The following AK8 variants were observed in gnomAD, a reference collection of about 807,000 sequenced individuals.
AK8 encodes adenylate kinase 8, also known as ATP-AMP transphosphorylase 8.
AK8 carries 44 observed loss-of-function variants against 54.6 expected under a neutral mutation model. The observed-to-expected ratio is 0.81, with a 90% CI of 0.63 to 1.04. The LOEUF is 1.04. AK8 is among the 50% of genes least tolerant of loss of function. AK8 has a pLI of 0.00. For synonymous variants in AK8, 239 were observed against 245.6 expected, an observed-to-expected ratio of 0.97 and a Z score of 0.25; for missense variants, 555 against 613.6, an observed-to-expected ratio of 0.90 and a Z score of 1.01.
chr9:132,726,011 T>C (rs1343382102), intron 12 of AK8, 86 bp from the exon 13 acceptor site: 1 of 1,242,886 alleles, frequency 8.0e-7, no homozygotes, highest in Non-Finnish European at 1.1e-6. Context: ...TGTGGACCAA[T>C]TTGGGGTGTC....
intron 9 of AK8, among the ~76,000 whole-genome samples, chr9:132,816,625 C>T (rs1841340419): frequency 6.6e-6 from 1 of 152,150 alleles, no homozygotes; most frequent in South Asian, 2.1e-4. Flanking sequence ...GAAGGAGTAA[C>T]AGGTATCATA....
intron 5 of AK8, among the ~76,000 whole-genome samples, chr9:132,839,396 C>T (rs1278000341): frequency 2.0e-5 from 3 of 152,240 alleles, no homozygotes; most frequent in East Asian, 3.8e-4. Context: ...TTTTAACACA[C>T]TGAAGCAGAG....
intron 10 of AK8, among the ~76,000 whole-genome samples, chr9:132,804,568 G>T (rs956626121): frequency 2.1e-4 from 32 of 151,998 alleles, no homozygotes; most frequent in Non-Finnish European, 1.5e-5. Context: ...CCCAGGGAGG[G>T]GGGTGGGAGC....
intron 11 of AK8, among the ~76,000 whole-genome samples, chr9:132,728,866 C>G (rs546592877): frequency 2.6e-5 from 4 of 152,038 alleles, no homozygotes; most frequent in Admixed American, 2.0e-4. Flanking sequence ...TCCCCACCCC[C>G]CTTTTTAGGG....
At chr9:132,740,377 A>G (rs889906845) in intron 11 of AK8, among the ~76,000 whole-genome samples, 11 of 152,206 alleles carry the variant, frequency 7.2e-5, no homozygotes, top group Admixed American at 6.5e-4. Context: ...ATTTGGCTAA[A>G]AAGAGGCAGA....
At chr9:132,741,479 A>G (rs1015862147) in intron 11 of AK8, among the ~76,000 whole-genome samples, 1 of 152,034 alleles carries the variant, frequency 6.6e-6, no homozygotes, top group Non-Finnish European at 1.5e-5. Context: ...ACAGCCCCCC[A>G]AAAACAGCTG....
intron 11 of AK8, among the ~76,000 whole-genome samples, chr9:132,764,986 C>A (rs921240650): frequency 6.6e-6 from 1 of 152,128 alleles, no homozygotes; most frequent in African/African-American, 2.4e-5. Flanking sequence ...CTGAATCCAG[C>A]AGCACATTAA....
intron 5 of AK8, among the ~76,000 whole-genome samples, chr9:132,853,810 T>TAAAAAAAAAAAAAAAAAAAAAA (rs1843065733): frequency 1.1e-5 from 1 of 94,132 alleles, no homozygotes; most frequent in Non-Finnish European, 2.3e-5. Context: ...AAAAAAAAAG[T>TAAAAAAAAAAAAAAAAAAAAAA]AAACAGAGTG....
chr9:132,729,841 C>T (rs1265420779), intron 11 of AK8, among the ~76,000 whole-genome samples: 1 of 152,240 alleles, frequency 6.6e-6, no homozygotes, highest in Non-Finnish European at 1.5e-5. Context: ...ATTCATTTCA[C>T]TTTCAAGAAA....
chr9:132,823,088 A>G, intron 9 of AK8, 117 bp downstream of exon 9: 5 of 1,364,548 alleles, frequency 3.7e-6, no homozygotes, highest in Non-Finnish European at 4.8e-6. Context: ...CAGAAAGAGA[A>G]GTGATACTGA....
rs1840345678 is a variant in AK8 at position 132,799,590 on chromosome 9, G to A, written c.980-6815C>T. ...ACACAGACATGTGCTCATGCACTCA[G>A]CTACAAACACACACACACACACACC... On this transcript the variant is annotated intron_variant, in intron 10 of 12. Transcript: ENST00000298545. The surrounding 1 kb of genome is among the most constrained non-coding windows in gnomAD (Gnocchi z 5.0). 6.6e-6 allele frequency among the ~76,000 whole-genome samples: 1 copy of A among 150,768 alleles called. No individual in the cohort carries two copies. The highest frequency in any genetic ancestry group is 2.5e-5 in the African/African-American group (1 of 40,790).
intron 10 of AK8, among the ~76,000 whole-genome samples, chr9:132,801,530 A>G (rs770729130): frequency 2.1e-4 from 32 of 152,334 alleles, no homozygotes; most frequent in Middle Eastern, 3.4e-3. Context: ...AAAGCATTTA[A>G]GGAACACGAT....
chr9:132,730,592 C>T (rs891519407), intron 11 of AK8, among the ~76,000 whole-genome samples: 4 of 152,084 alleles, frequency 2.6e-5, no homozygotes, highest in African/African-American at 9.7e-5. Flanking sequence ...TGGTGGATGC[C>T]TATGCCCCTT....
rs978839574 is a variant in AK8 at position 132,837,808 on chromosome 9, G to A, written c.403-9082C>T. 7.9e-5 allele frequency among the ~76,000 whole-genome samples: 12 copies of A among 152,146 alleles called. No individual in the cohort carries two copies. The highest frequency in any genetic ancestry group is 2.9e-4 in the African/African-American group (12 of 41,406). On this transcript the variant is annotated intron_variant, in intron 5 of 12. Transcript: ENST00000298545. This position sits in a 1 kb window ranked among gnomAD's most constrained non-coding sequence, Gnocchi z 4.3. The stretch of plus-strand genomic sequence containing the variant: ...CCACAAATAAGGGGGCACAGGAGGT[G>A]TGCTCACTGTGCTGTGCCCGGCACC...
intron 1 of AK8, 183 bp from the exon 2 acceptor site, chr9:132,875,382 C>T (rs566082061): frequency 0.042 from 39,353 of 929,884 alleles, 930 homozygotes; most frequent in Middle Eastern, 0.052. Flanking sequence ...ATGAGGGGGG[C>T]CACGTGGTGC....
chr9:132,769,352 T>G (rs559150553), intron 11 of AK8: 2 of 152,296 alleles, frequency 1.3e-5, no homozygotes, highest in South Asian at 4.1e-4. Flanking sequence ...CTGCTGACAT[T>G]TGCCAGCAGC....
chr9:132,876,884 C>A (rs374481000), intron 1 of AK8, among the ~76,000 whole-genome samples: 1 of 151,876 alleles, frequency 6.6e-6, no homozygotes, highest in South Asian at 2.1e-4. Flanking sequence ...CATAGCAAGA[C>A]CTCGTCTGTA....
rs142682895 is a variant in AK8, at chr9:132,849,858, G to A, written c.402+4999C>T. The stretch of plus-strand genomic sequence containing the variant: ...TCCTCCAGGTTCAAGCGATTCTCCT[G>A]CCTCAGCCTCCCGAGTAGCTGCGAT... On this transcript the variant is annotated intron_variant, in intron 5 of 12. Transcript: ENST00000298545. 9.0e-3 allele frequency among the ~76,000 whole-genome samples: 1,359 copies of A among 151,768 alleles called. 18 individuals carry two copies. The highest frequency in any genetic ancestry group is 0.031 in the African/African-American group (1,267 of 41,340).
At chr9:132,855,052 C>T (rs995110334) in intron 4 of AK8, 127 bp from the exon 5 acceptor site, 1 of 856,992 alleles carries the variant, frequency 1.2e-6, no homozygotes, top group Admixed American at 2.0e-5. Flanking sequence ...CGGGCCCCGC[C>T]CTTCCTCCAC....
Sources: gnomAD v4.1 joint callset for allele counts (sites outside exome capture counted in the v4.1 genomes callset) on GRCh38, gnomAD v4.1.1 for gene constraint, Gnocchi (gnomAD v3.1) non-coding constraint, MANE v1.5 for transcripts, NCBI Gene and HGNC (gene_info 2026-07-23, HGNC 2026-07-21) for gene names.